The following SLC30A7 variants were observed in gnomAD, a reference collection of about 807,000 sequenced individuals.
SLC30A7 encodes zinc transporter 7.
SLC30A7 carries 35 observed loss-of-function variants against 46.0 expected under a neutral mutation model. The observed-to-expected ratio is 0.76, with a 90% CI of 0.58 to 1.01. The LOEUF (loss-of-function observed/expected upper bound fraction) is 1.01. Among genes scored for constraint, SLC30A7 ranks in the 50% least tolerant of loss-of-function variants. The pLI, the probability that SLC30A7 is intolerant of heterozygous loss-of-function variation, is 0.00. For missense variants in SLC30A7, 464 were observed against 451.1 expected (o/e 1.03, Z -0.26); for synonymous variants, 147 against 157.8 (o/e 0.93, Z 0.51).
chr1:100,984,510 C>G (rs1231627657), downstream of SLC30A7, among the ~76,000 whole-genome samples: 1 of 152,142 alleles, frequency 6.6e-6, no homozygotes, highest in East Asian at 1.9e-4. Flanking sequence ...CTAAACTATC[C>G]AACAGACGAC....
intron 6 of SLC30A7, among the ~76,000 whole-genome samples, chr1:100,916,875 T>G (rs1011288626): frequency 1.3e-5 from 2 of 152,178 alleles, no homozygotes; most frequent in African/African-American, 4.8e-5. Flanking sequence ...TTTGTCGTTC[T>G]GTAACTCTTT....
chr1:100,931,168 AT>A (rs1653643271), intron 8 of SLC30A7, among the ~76,000 whole-genome samples: 1 of 152,176 alleles, frequency 6.6e-6, no homozygotes, highest in African/African-American at 2.4e-5. Flanking sequence ...TAAGAATATC[AT>A]TCAGCAAAAA....
intron 2 of SLC30A7, among the ~76,000 whole-genome samples, chr1:100,899,559 C>T (rs1016906271): frequency 6.6e-6 from 1 of 152,118 alleles, no homozygotes; most frequent in Admixed American, 6.5e-5. Context: ...CTCTGCACAC[C>T]TGTAATCTCA....
At chr1:100,949,502 C>G (rs556075649) in intron 8 of SLC30A7, among the ~76,000 whole-genome samples, 1 of 152,342 alleles carries the variant, frequency 6.6e-6, no homozygotes, top group African/African-American at 2.4e-5. Context: ...TGTCCGTTCT[C>G]AGTGCTCAAA....
chr1:100,994,403 C>G, the SLC30A7 span, among the ~76,000 whole-genome samples: 3 of 152,058 alleles, frequency 2.0e-5, no homozygotes, highest in Non-Finnish European at 4.4e-5. Flanking sequence ...GTAGGGGGTA[C>G]TGTATTAGAC....
At chr1:100,907,223 C>T (rs1276427701) in intron 3 of SLC30A7, among the ~76,000 whole-genome samples, 13 of 152,088 alleles carry the variant, frequency 8.5e-5, no homozygotes, top group Admixed American at 8.5e-4. Context: ...AGGAATTTCT[C>T]AACTTTTTTT....
At chr1:100,907,014 CA>C (rs760743060) in intron 3 of SLC30A7, 49 bp downstream of exon 3, 8 of 1,161,742 alleles carry the variant, frequency 6.9e-6, no homozygotes, top group South Asian at 1.3e-5. Context: ...AAGATATACA[CA>C]AAAAAACACT....
At chr1:100,982,599 C>A (rs1558021024), downstream of SLC30A7, among the ~76,000 whole-genome samples, 1 of 152,140 alleles carries the variant, frequency 6.6e-6, no homozygotes, top group Admixed American at 6.5e-5. Flanking sequence ...CCTTTGAAAT[C>A]TTTTACTTTC....
chr1:100,962,368 A>G (rs1476701423), intron 9 of SLC30A7, among the ~76,000 whole-genome samples: 1 of 152,218 alleles, frequency 6.6e-6, no homozygotes. Context: ...GAAATAAAAC[A>G]AAGTGATGTG....
intron 8 of SLC30A7, among the ~76,000 whole-genome samples, chr1:100,947,584 T>C (rs1278123877): frequency 6.6e-6 from 1 of 152,170 alleles, no homozygotes; most frequent in Non-Finnish European, 1.5e-5. Flanking sequence ...TAGTGCAGAG[T>C]TGAGTTCAAG....
chr1:100,898,364 T>G (rs1337640160), intron 2 of SLC30A7, among the ~76,000 whole-genome samples: 4 of 152,218 alleles, frequency 2.6e-5, no homozygotes, highest in East Asian at 3.8e-4. Flanking sequence ...CATTATTTTT[T>G]AAGTCAGTAT....
Position 100,978,210 on chromosome 1 carries a change from A to C in SLC30A7, c.*3353A>C, listed in dbSNP as rs1404449641. ...TGTTCCTTGTGCTGTCATTTCCCTT[A>C]TATCTGGAATTTGTCAGCATTCCTG... is the stretch of plus-strand genomic sequence containing the variant. On this transcript the variant is annotated 3_prime_UTR_variant, in exon 11 of 11. Coordinates refer to ENST00000357650, the MANE Select transcript of SLC30A7 (RefSeq NM_133496.5). 6.6e-6 allele frequency: 1 copy of C among 152,140 alleles called. No homozygotes were observed. Among genetic ancestry groups the C allele is most frequent in the Non-Finnish European group, 1.5e-5 (1 of 68,030 alleles). The allele number at this position is 152,140 out of a possible 1,614,324, so 9.4% of individuals were successfully genotyped here.
At chr1:100,942,209 C>T (rs1416298785) in intron 8 of SLC30A7, among the ~76,000 whole-genome samples, 1 of 152,202 alleles carries the variant, frequency 6.6e-6, no homozygotes, top group East Asian at 1.9e-4. Flanking sequence ...TAGGTACTCT[C>T]ATACTTTGCT....
At chr1:100,911,755 T>C (rs1319320842) in intron 4 of SLC30A7, among the ~76,000 whole-genome samples, 1 of 152,098 alleles carries the variant, frequency 6.6e-6, no homozygotes, top group African/African-American at 2.4e-5. Flanking sequence ...TTTCACCATG[T>C]TGGTCAGGCT....
At chr1:100,902,305 A>C (rs1007757112) in intron 2 of SLC30A7, among the ~76,000 whole-genome samples, 2 of 152,218 alleles carry the variant, frequency 1.3e-5, no homozygotes, top group Non-Finnish European at 2.9e-5. Context: ...AATTTAAATA[A>C]AATTTCATTT....
chr1:100,920,908 A>G (rs868277157), intron 7 of SLC30A7, among the ~76,000 whole-genome samples: 3 of 152,184 alleles, frequency 2.0e-5, no homozygotes, highest in Non-Finnish European at 1.5e-5. Context: ...GAAATTTTGT[A>G]TTAAAGATCT....
At chr1:100,914,149 C>T (rs911593804) in intron 6 of SLC30A7, among the ~76,000 whole-genome samples, 17 of 152,168 alleles carry the variant, frequency 1.1e-4, no homozygotes, top group Non-Finnish European at 1.9e-4. Flanking sequence ...ATAGTAATCA[C>T]GTAAGGGTAA....
chr1:100,970,852 C>T (rs947045286), intron 10 of SLC30A7, among the ~76,000 whole-genome samples: 2 of 151,814 alleles, frequency 1.3e-5, no homozygotes, highest in African/African-American at 4.8e-5. Flanking sequence ...TTGAAGAAAA[C>T]ATGTTAAAGA....
intron 10 of SLC30A7, among the ~76,000 whole-genome samples, chr1:100,967,902 A>G (rs1027081674): frequency 3.3e-5 from 5 of 152,184 alleles, no homozygotes; most frequent in African/African-American, 9.6e-5. Context: ...TAGTTCATTT[A>G]ATTGTATGGG....
Sources: allele counts gnomAD v4.1 joint callset (sites outside exome capture counted in the v4.1 genomes callset), GRCh38; gene constraint gnomAD v4.1.1; transcripts MANE v1.5; gene names NCBI Gene and HGNC (gene_info 2026-07-23, HGNC 2026-07-21).